BTD: variants seen among roughly 807,000 people sequenced by gnomAD.
The protein encoded by BTD is biotinidase.
A neutral mutation model predicts 17.7 loss-of-function variants in BTD; 13 were observed. That is an observed-to-expected ratio of 0.74 (90% CI 0.48 to 1.17). The LOEUF is 1.17. Ranked by LOEUF, BTD falls within the 50% of genes most tolerant of loss-of-function variation. The pLI, the probability that BTD is intolerant of heterozygous loss-of-function variation, is 0.00. For missense variants in BTD, 674 were observed against 650.4 expected (o/e 1.04, Z -0.39); for synonymous variants, 240 against 245.2 (o/e 0.98, Z 0.20).
intron 1 of BTD, among the ~76,000 whole-genome samples, chr3:15,608,977 GATA>G (rs1431668627): frequency 6.6e-6 from 1 of 151,982 alleles, no homozygotes; most frequent in Non-Finnish European, 1.5e-5. Flanking sequence ...GCTTTGTTTT[GATA>G]ATAATCTATT....
At chr3:15,678,596 A>C (rs1373053276) in intron 3 of BTD, among the ~76,000 whole-genome samples, 1 of 152,196 alleles carries the variant, frequency 6.6e-6, no homozygotes, top group South Asian at 2.1e-4. Context: ...GATTAATTAC[A>C]AAATTGCTAA....
chr3:15,603,576 G>A (rs1444663154), intron 1 of BTD, among the ~76,000 whole-genome samples: 2 of 152,194 alleles, frequency 1.3e-5, no homozygotes, highest in African/African-American at 2.4e-5. Flanking sequence ...AGAATGGTGT[G>A]AACCCGGGAG....
rs1285332302 is a variant in BTD, at chr3:15,646,077, AAAG to A, written c.*593_*595del. 2 of 152,350 alleles carry A rather than the reference AAAG, an allele frequency of 1.3e-5. No individual in the cohort carries two copies. Among genetic ancestry groups the A allele is most frequent in the African/African-American group, 2.4e-5 (1 of 41,446 alleles). 9.4% of individuals were successfully genotyped at this position (152,350 alleles called of 1,614,324 possible). On this transcript the variant is annotated 3_prime_UTR_variant, in exon 4 of 4. Transcript: ENST00000643237. ...CCTTAAAGCGGCTTTTAAAAATAGAAAAGAAGCGTTCCTCACATCTGCCAGTAA... is the reference window on the plus strand; with the variant it reads ...CCTTAAAGCGGCTTTTAAAAATAGAAAAGCGTTCCTCACATCTGCCAGTAA...
At chr3:15,601,739 A>C (rs1275628835), upstream of BTD, 1 of 1,581,604 alleles carries the variant, frequency 6.3e-7, no homozygotes, top group African/African-American at 1.3e-5. Flanking sequence ...GGGAGGCGGG[A>C]CTAGCAGGAG....
intron 3 of BTD, among the ~76,000 whole-genome samples, chr3:15,643,761 T>C (rs1309289597): frequency 6.6e-6 from 1 of 151,322 alleles, no homozygotes; most frequent in Non-Finnish European, 1.5e-5. Context: ...ACTTTTATAT[T>C]TAAAAATTGT....
chr3:15,604,353 C>T (rs893585007), intron 1 of BTD, among the ~76,000 whole-genome samples: 1 of 152,268 alleles, frequency 6.6e-6, no homozygotes, highest in Non-Finnish European at 1.5e-5. Context: ...CTGAGCTGTA[C>T]ATTGGCCCTT....
chr3:15,642,282 C>T, intron 3 of BTD: 1 of 1,413,018 alleles, frequency 7.1e-7, no homozygotes, highest in Admixed American at 2.8e-5. Context: ...ATTAATTACA[C>T]AATAAATACA....
intron 1 of BTD, among the ~76,000 whole-genome samples, chr3:15,617,352 C>G (rs1409118756): frequency 2.0e-5 from 3 of 152,202 alleles, no homozygotes; most frequent in African/African-American, 7.2e-5. Context: ...TTGTCCAACA[C>G]AAGATCATCT....
intron 3 of BTD, among the ~76,000 whole-genome samples, chr3:15,662,416 C>G (rs777575274): frequency 1.1e-4 from 17 of 152,150 alleles, no homozygotes; most frequent in Non-Finnish European, 2.4e-4. Context: ...CTGTTCACTG[C>G]TGGCATATGA....
chr3:15,722,484 G>GT (rs548808566), downstream of BTD, among the ~76,000 whole-genome samples: 18 of 152,090 alleles, frequency 1.2e-4, no homozygotes, highest in Non-Finnish European at 2.6e-4. Flanking sequence ...TTTGTATCTT[G>GT]TCCCTGTAAT....
At chr3:15,601,930 T>TGGTAAGGGCGTGC (rs2064266090) in intron 1 of BTD, 36 bp downstream of exon 1, 6 of 1,611,514 alleles carry the variant, frequency 3.7e-6, no homozygotes, top group Non-Finnish European at 5.1e-6. Context: ...GGAGGGGGTG[T>TGGTAAGGGCGTGC]GGTAAGGGCG....
intron 1 of BTD, among the ~76,000 whole-genome samples, chr3:15,616,963 G>A (rs1201706922): frequency 6.6e-6 from 1 of 152,064 alleles, no homozygotes; most frequent in Admixed American, 6.5e-5. Flanking sequence ...CTCCCGAGTA[G>A]CTGGGACTAC....
intron 3 of BTD, chr3:15,667,950 CTT>C (rs2066066352): frequency 6.6e-6 from 1 of 152,210 alleles, no homozygotes; most frequent in African/African-American, 2.4e-5. Flanking sequence ...CTGGAAATCA[CTT>C]CAGCAGAGAA....
At chr3:15,667,678 T>C (rs969501751) in intron 3 of BTD, 1 of 152,136 alleles carries the variant, frequency 6.6e-6, no homozygotes, top group South Asian at 2.1e-4. Context: ...TTTCCCTTCA[T>C]TGGGTGCAGA....
intron 1 of BTD, chr3:15,606,623 C>T (rs1465751526): frequency 6.6e-6 from 1 of 152,218 alleles, no homozygotes; most frequent in Non-Finnish European, 1.5e-5. Context: ...AGGATAAATA[C>T]TCAACTGGTT....
downstream of BTD, among the ~76,000 whole-genome samples, chr3:15,656,026 C>G (rs1390812199): frequency 2.0e-5 from 3 of 152,164 alleles, no homozygotes; most frequent in Admixed American, 1.3e-4. Flanking sequence ...TGGTCTCAAA[C>G]TCCTGACCTC....
At chr3:15,644,161 C>T (rs1023267765) in intron 3 of BTD, among the ~76,000 whole-genome samples, 155 bp from the exon 4 acceptor site, 9 of 151,914 alleles carry the variant, frequency 5.9e-5, no homozygotes, top group East Asian at 1.9e-4. Context: ...CCACCACGCC[C>T]GGCTAATTTT....
downstream of BTD, among the ~76,000 whole-genome samples, chr3:15,716,005 T>G (rs1407733914): frequency 6.6e-6 from 1 of 151,954 alleles, no homozygotes; most frequent in Non-Finnish European, 1.5e-5. Context: ...TTTTTTTTTT[T>G]TGAGACTTGC....
chr3:15,620,842 C>T lies in BTD; in HGVS notation c.-16-14582C>T, dbSNP rs145149809. 1.4e-4 allele frequency among the ~76,000 whole-genome samples: 21 copies of T among 152,228 alleles called. No homozygotes were observed. The East Asian group carries it at 1.7e-3, about 13-fold the overall frequency. ...AATGGGATATATATAGAGAGATATA[C>T]GAAAGAGATTTATTAGAGGAATTGG... On this transcript the variant is annotated intron_variant, in intron 1 of 3. Coordinates refer to ENST00000643237, the MANE Select transcript of BTD (RefSeq NM_001370658.1).
Sources: allele counts gnomAD v4.1 joint callset (sites outside exome capture counted in the v4.1 genomes callset), GRCh38; gene constraint gnomAD v4.1.1; transcripts MANE v1.5; gene names NCBI Gene and HGNC (gene_info 2026-07-23, HGNC 2026-07-21).